The following SPOCK3 variants were observed in gnomAD, a reference collection of about 807,000 sequenced individuals.
SPOCK3 encodes testican-3.
Under a neutral mutation model 56.6 loss-of-function variants are expected in SPOCK3, and 30 were observed. That is an observed-to-expected ratio of 0.53 (90% CI 0.40 to 0.72). SPOCK3 has a LOEUF of 0.72. SPOCK3 is among the 30% of genes least tolerant of loss of function. The pLI, the probability that SPOCK3 is intolerant of heterozygous loss-of-function variation, is 0.00. For synonymous variants in SPOCK3, 196 were observed against 183.3 expected (o/e 1.07, Z -0.56); for missense variants, 527 against 530.0 (o/e 0.99, Z 0.06).
At chr4:166,978,644 A>G (rs1746237628) in intron 4 of SPOCK3, among the ~76,000 whole-genome samples, 1 of 152,190 alleles carries the variant, frequency 6.6e-6, no homozygotes, top group Admixed American at 6.5e-5. Flanking sequence ...AAAAACAGTA[A>G]TAAGGCATGC....
intron 2 of SPOCK3, among the ~76,000 whole-genome samples, chr4:167,124,099 C>A (rs2150368900): frequency 6.6e-6 from 1 of 152,196 alleles, no homozygotes; most frequent in East Asian, 1.9e-4. Flanking sequence ...TGGATACCAC[C>A]CCCATATATT....
chr4:166,890,869 T>G (rs972776508), intron 5 of SPOCK3, among the ~76,000 whole-genome samples: 2 of 152,012 alleles, frequency 1.3e-5, no homozygotes, highest in Non-Finnish European at 2.9e-5. Context: ...AGTCTCCCAT[T>G]ATTATTGTGT....
At chr4:166,793,858 C>T (rs1262723234) in intron 6 of SPOCK3, among the ~76,000 whole-genome samples, 1 of 152,072 alleles carries the variant, frequency 6.6e-6, no homozygotes, top group Non-Finnish European at 1.5e-5. Flanking sequence ...TTTACATATA[C>T]AGGATCTGAA....
At chr4:166,745,069 A>G (rs1156913890) in intron 8 of SPOCK3, among the ~76,000 whole-genome samples, 2 of 152,232 alleles carry the variant, frequency 1.3e-5, no homozygotes, top group Admixed American at 1.3e-4. Context: ...ACTCTGCACG[A>G]TATTAACCAG....
intron 2 of SPOCK3, among the ~76,000 whole-genome samples, chr4:167,097,522 A>G (rs989045798): frequency 1.3e-5 from 2 of 151,776 alleles, no homozygotes; most frequent in African/African-American, 4.8e-5. Flanking sequence ...AGTAGAAGCT[A>G]TCTGCCACCT....
intron 2 of SPOCK3, among the ~76,000 whole-genome samples, chr4:167,209,444 C>T (rs1288338170): frequency 1.3e-5 from 2 of 152,076 alleles, no homozygotes; most frequent in Non-Finnish European, 2.9e-5. Flanking sequence ...AATGCTAACA[C>T]TGAAGAATTT....
At chr4:166,872,871 G>A (rs1047659437) in intron 6 of SPOCK3, among the ~76,000 whole-genome samples, 3 of 152,268 alleles carry the variant, frequency 2.0e-5, no homozygotes, top group African/African-American at 4.8e-5. Flanking sequence ...GTCTTATGCT[G>A]CTTCAATTCC....
At chr4:166,754,869 G>C (rs559737749) in intron 7 of SPOCK3, 140 bp from the exon 8 acceptor site, 1 of 715,922 alleles carries the variant, frequency 1.4e-6, no homozygotes. Context: ...TTCATCATGA[G>C]TAGTTTGTTT....
Position 166,734,722 on chromosome 4 carries a change from G to A in SPOCK3, c.*199C>T, listed in dbSNP as rs191754300. 49 of 494,232 alleles carry A rather than the reference G, an allele frequency of 9.9e-5. No individual in the cohort carries two copies. The highest frequency in any genetic ancestry group is 1.1e-3 in the Middle Eastern group (2 of 1,796). The allele number at this position is 494,232 out of a possible 1,614,324, so 30.6% of individuals were successfully genotyped here. Reference sequence around the variant, plus strand: ...GCATATGTATTTTCTTTTTGTGTAAGGAATATAAAAACTCAAAGCAAATGA... The same window carrying A: ...GCATATGTATTTTCTTTTTGTGTAAAGAATATAAAAACTCAAAGCAAATGA... On this transcript the variant is annotated 3_prime_UTR_variant, in exon 11 of 11. Transcript: ENST00000357545.
intron 7 of SPOCK3, 21 bp downstream of exon 7, chr4:166,792,149 G>T (rs1741424833): frequency 6.2e-7 from 1 of 1,613,280 alleles, no homozygotes; most frequent in Non-Finnish European, 8.5e-7. Flanking sequence ...CAGTAGCAAT[G>T]ATCAAATTTA....
chr4:166,737,683 A>G lies in SPOCK3; in HGVS notation c.995-79T>C, dbSNP rs919813887. The stretch of plus-strand genomic sequence containing the variant: ...CTGTGCTCCTTTCTGAGAAGCACCC[A>G]TTATGCATTAATGCATTAAAGACTT... On this transcript the variant is annotated intron_variant, in intron 9 of 10. Transcript: ENST00000357545. 4.1e-6 allele frequency: 6 copies of G among 1,448,616 alleles called. No homozygotes were observed. The Admixed American group carries it at 1.2e-4, about 30-fold the overall frequency. The allele number at this position is 1,448,616 out of a possible 1,614,324, so 89.7% of individuals were successfully genotyped here.
At chr4:166,832,270 GGTAGGA>G (rs1746161076) in intron 6 of SPOCK3, among the ~76,000 whole-genome samples, 1 of 151,794 alleles carries the variant, frequency 6.6e-6, no homozygotes, top group Non-Finnish European at 1.5e-5. Flanking sequence ...TATGGTGAAA[GGTAGGA>G]GTCCAGTTTC....
chr4:166,994,848 T>C (rs1258251964), intron 4 of SPOCK3, among the ~76,000 whole-genome samples: 1 of 152,052 alleles, frequency 6.6e-6, no homozygotes, highest in Non-Finnish European at 1.5e-5. Context: ...AGGGTGATAA[T>C]AGAATAACTG....
At chr4:167,064,616 G>T (rs1755925007) in intron 2 of SPOCK3, among the ~76,000 whole-genome samples, 1 of 151,590 alleles carries the variant, frequency 6.6e-6, no homozygotes, top group African/African-American at 2.4e-5. Flanking sequence ...ACAGTTTTAG[G>T]CCTCTCCTGA....
chr4:167,164,328 A>G (rs1170607627), intron 2 of SPOCK3, among the ~76,000 whole-genome samples: 1 of 152,166 alleles, frequency 6.6e-6, no homozygotes, highest in African/African-American at 2.4e-5. Context: ...CTGAAATTTA[A>G]AAGTATTTAT....
intron 2 of SPOCK3, among the ~76,000 whole-genome samples, chr4:167,185,638 T>C (rs897461579): frequency 2.0e-5 from 3 of 152,150 alleles, no homozygotes; most frequent in Non-Finnish European, 4.4e-5. Flanking sequence ...AATACAGTCG[T>C]CGGTGAAGTC....
chr4:166,734,930 T>C lies in SPOCK3; in HGVS notation c.1293A>G (p.Val431=). 1 of 1,544,074 alleles carries C rather than the reference T, an allele frequency of 6.5e-7. No individual in the cohort carries two copies. The highest frequency in any genetic ancestry group is 1.9e-4 in the Middle Eastern group (1 of 5,300). Reference sequence around the variant, plus strand: ...TTTCAACTGTCATCAATCAAATGTATACATCATGGTCATCACCACCATCAT... The same window carrying C: ...TTTCAACTGTCATCAATCAAATGTACACATCATGGTCATCACCACCATCAT... ...DDDDGGDDHD[V]YI Residue 431 remains valine, a synonymous_variant, in exon 11 of 11, where the codon GTA becomes GTG. Transcript: ENST00000357545.
At chr4:166,969,313 T>G (rs10022900) in intron 4 of SPOCK3, among the ~76,000 whole-genome samples, 52,947 of 152,008 alleles carry the variant, frequency 0.35, 10,992 homozygotes, top group African/African-American at 0.59. Context: ...CATGAGTTTT[T>G]GGAGGGGCCA....
intron 2 of SPOCK3, among the ~76,000 whole-genome samples, chr4:167,118,695 A>G (rs114238253): frequency 1.3e-5 from 2 of 152,298 alleles, no homozygotes; most frequent in African/African-American, 2.4e-5. Flanking sequence ...AAGCTTCATC[A>G]AAGTGGCATT....
Sources: allele counts gnomAD v4.1 joint callset (sites outside exome capture counted in the v4.1 genomes callset), GRCh38; gene constraint gnomAD v4.1.1; transcripts MANE v1.5; gene names NCBI Gene and HGNC (gene_info 2026-07-23, HGNC 2026-07-21).